ADSS2: variants seen among roughly 807,000 people sequenced by gnomAD.
ADSS2 encodes the protein adenylosuccinate synthase 2.
Under a neutral mutation model 60.0 loss-of-function variants are expected in ADSS2, and 30 were observed. The observed-to-expected ratio is 0.50, with a 90% CI of 0.37 to 0.68. ADSS2 has a LOEUF of 0.68. Ranked by LOEUF, ADSS2 falls within the 30% of genes least tolerant of loss-of-function variation. The pLI is 0.00. For missense variants in ADSS2, 373 were observed against 554.8 expected, an observed-to-expected ratio of 0.67 and a Z score of 3.29; for synonymous variants, 187 against 193.1, an observed-to-expected ratio of 0.97 and a Z score of 0.26.
Position 244,444,973 on chromosome 1 carries a change from C to G in ADSS2, c.183+6662G>C, listed in dbSNP as rs569014537. 5.3e-5 allele frequency among the ~76,000 whole-genome samples: 8 copies of G among 152,208 alleles called. No individual in the cohort carries two copies. In the Middle Eastern group the frequency reaches 0.01, roughly 194 times the overall value. ...TACTTTGCAAATCATAGGAATCATC[C>G]CCCCAGCCACAGCAAACTGATCCAG... On this transcript the variant is annotated intron_variant, in intron 1 of 12. Transcript: ENST00000366535.
At chr1:244,422,534 C>T (rs1049801221) in intron 7 of ADSS2, among the ~76,000 whole-genome samples, 1 of 152,194 alleles carries the variant, frequency 6.6e-6, no homozygotes, top group African/African-American at 2.4e-5. Flanking sequence ...AATCTAGTCT[C>T]CTTTCTGTTC....
intron 1 of ADSS2, among the ~76,000 whole-genome samples, chr1:244,438,936 T>C (rs1485939417): frequency 6.6e-6 from 1 of 152,212 alleles, no homozygotes; most frequent in African/African-American, 2.4e-5. Context: ...AAATGTATAA[T>C]TACTGTTGAC....
rs2147995700 is a variant in ADSS2 at position 244,422,816 on chromosome 1, A to G, written c.663+19T>C. ...AAACAAGTATTAAAAAGAACATTAA[A>G]GATGCCAGAAAGCATTACCTTGAGT... On this transcript the variant is annotated intron_variant, in intron 7 of 12. Transcript: ENST00000366535. 6.5e-7 allele frequency: 1 copy of G among 1,546,538 alleles called. No homozygotes were observed. Among genetic ancestry groups the G allele is most frequent in the Non-Finnish European group, 8.9e-7 (1 of 1,121,512 alleles).
At chr1:244,423,089 A>G (rs1011940298) in intron 6 of ADSS2, among the ~76,000 whole-genome samples, 173 bp from the exon 7 acceptor site, 5 of 152,242 alleles carry the variant, frequency 3.3e-5, no homozygotes, top group Non-Finnish European at 4.4e-5. Context: ...AGCCATATGA[A>G]TAAGTAAGAC....
rs768756706 is a variant in ADSS2 at position 244,411,414 on chromosome 1, T to G, written c.1191A>C (p.Lys397Asn). The change falls in exon 12 of 13, where the codon AAA becomes AAC. Residue 397 changes from lysine to asparagine, a missense_variant. Physicochemically the swap from Lys to Asn is moderately conservative, Grantham distance 94. Coordinates refer to ENST00000366535, the MANE Select transcript of ADSS2 (RefSeq NM_001126.5). ...GGAGAGTCTTATATTGAACTTCAAC[T>G]TTATTTAAGACTTCTTGGTTTGCTA... ...HIPANQEVLN[K>N]VEVQYKTLPG... 10 of 1,611,436 alleles carry G rather than the reference T, an allele frequency of 6.2e-6. No homozygotes were observed. Among genetic ancestry groups the G allele is most frequent in the Non-Finnish European group, 5.1e-6 (6 of 1,179,358 alleles).
chr1:244,429,505 G>T (rs183184758), intron 4 of ADSS2, among the ~76,000 whole-genome samples: 6 of 152,308 alleles, frequency 3.9e-5, no homozygotes, highest in Admixed American at 2.0e-4. Flanking sequence ...TGGTTTCACA[G>T]CAACGATTCT....
At chr1:244,410,845 T>C (rs1247653713) in intron 12 of ADSS2, among the ~76,000 whole-genome samples, 1 of 152,246 alleles carries the variant, frequency 6.6e-6, no homozygotes, top group East Asian at 1.9e-4. Flanking sequence ...TGTATCTTCC[T>C]GGGCATTTAT....
At chr1:244,438,705 A>G (rs1250911534) in intron 1 of ADSS2, among the ~76,000 whole-genome samples, 1 of 152,228 alleles carries the variant, frequency 6.6e-6, no homozygotes, top group African/African-American at 2.4e-5. Flanking sequence ...AAAAAATACT[A>G]ATCAAAACTA....
At chr1:244,415,716 A>T (rs1353170253) in intron 11 of ADSS2, among the ~76,000 whole-genome samples, 1 of 152,230 alleles carries the variant, frequency 6.6e-6, no homozygotes, top group African/African-American at 2.4e-5. Context: ...AAAGGAGGGA[A>T]GATGAGACTC....
At chr1:244,429,295 C>T (rs1169370307) in intron 4 of ADSS2, among the ~76,000 whole-genome samples, 1 of 152,170 alleles carries the variant, frequency 6.6e-6, no homozygotes, top group East Asian at 1.9e-4. Flanking sequence ...TATCACCCAG[C>T]ACACTTTTAT....
intron 1 of ADSS2, among the ~76,000 whole-genome samples, chr1:244,450,994 T>TAAAAAC (rs769571793): frequency 2.0e-5 from 3 of 152,036 alleles, no homozygotes; most frequent in Non-Finnish European, 4.4e-5. Flanking sequence ...GAGCACACTG[T>TAAAAAC]AAAAACAAAA....
chr1:244,411,847 T>C (rs1434020584), intron 11 of ADSS2, among the ~76,000 whole-genome samples: 1 of 152,234 alleles, frequency 6.6e-6, no homozygotes, highest in Middle Eastern at 3.2e-3. Context: ...CCTGCTGTCT[T>C]CTGAGAAATC....
intron 12 of ADSS2, among the ~76,000 whole-genome samples, chr1:244,410,009 T>C (rs1664376547): frequency 6.6e-6 from 1 of 152,202 alleles, no homozygotes; most frequent in Non-Finnish European, 1.5e-5. Context: ...GATTTTAACT[T>C]GCACAGCCTC....
At chr1:244,422,712 A>G in intron 7 of ADSS2, 123 bp downstream of exon 7, 1 of 690,724 alleles carries the variant, frequency 1.4e-6, no homozygotes, top group East Asian at 2.7e-5. Flanking sequence ...CAAACATACC[A>G]TGTCCAAGAC....
At chr1:244,430,626 C>T (rs939140353) in intron 4 of ADSS2, among the ~76,000 whole-genome samples, 5 of 152,126 alleles carry the variant, frequency 3.3e-5, no homozygotes, top group East Asian at 3.8e-4. Flanking sequence ...TCTAATGCAG[C>T]GCCTTGCTTT....
At position 244,424,314 on chromosome 1, in the gene ADSS2, C is replaced by T; in HGVS notation, c.473+7G>A. ...ACTGTACCAAAAAAACAAAAACCCA[C>T]ACATACTTTTTTCCTGCTTGTTCTT... On this transcript the variant is annotated splice_region_variant and intron_variant, in intron 5 of 12. Coordinates refer to ENST00000366535, the MANE Select transcript of ADSS2 (RefSeq NM_001126.5). 6.2e-7 allele frequency: 1 copy of T among 1,612,756 alleles called. No individual in the cohort carries two copies. The highest frequency in any genetic ancestry group is 1.3e-5 in the African/African-American group (1 of 74,964).
chr1:244,449,955 G>C (rs1365556757), intron 1 of ADSS2, among the ~76,000 whole-genome samples: 1 of 152,078 alleles, frequency 6.6e-6, no homozygotes, highest in Non-Finnish European at 1.5e-5. Flanking sequence ...TTTCTCCATA[G>C]AATATTAAAA....
chr1:244,429,979 G>A (rs1664898444), intron 4 of ADSS2, among the ~76,000 whole-genome samples: 3 of 46,616 alleles, frequency 6.4e-5, no homozygotes, highest in East Asian at 5.1e-4. Context: ...AGTGATATAC[G>A]TTTTAAAGCA....
rs532102574 is a variant in ADSS2, at chr1:244,445,607, G to GT, written c.183+6027dup. Among the ~76,000 whole-genome samples the GT allele has an allele frequency of 3.2e-4, 48 of 151,420 alleles. 1 individual carries two copies. In the East Asian group the frequency reaches 9.3e-3, roughly 29 times the overall value. ...TTTGGATCAGGAAATGCTAATATGT[G>GT]TAAGCTTCTAGCTAAGAAGCTCCAA... On this transcript the variant is annotated intron_variant, in intron 1 of 12. Coordinates refer to ENST00000366535, the MANE Select transcript of ADSS2 (RefSeq NM_001126.5).
Sources: gnomAD v4.1 joint callset for allele counts (sites outside exome capture counted in the v4.1 genomes callset) on GRCh38, gnomAD v4.1.1 for gene constraint, MANE v1.5 for transcripts, NCBI Gene and HGNC (gene_info 2026-07-23, HGNC 2026-07-21) for gene names.